Variants in VWDE observed in about 807,000 individuals in gnomAD.
The protein encoded by VWDE is von Willebrand factor D and EGF domains, also known as von Willebrand factor D and EGF domain-containing protein.
Under a neutral mutation model 178.4 loss-of-function variants are expected in VWDE, and 207 were observed. The ratio of observed to expected loss-of-function variants is 1.16; its 90% CI spans 1.04 to 1.30. The LOEUF is 1.30. Among genes scored for constraint, VWDE ranks in the 50% most tolerant of loss-of-function variants. The probability of loss-of-function intolerance (pLI) is 0.00; values close to 1 mark genes in which losing one functional copy is unlikely to be tolerated. For synonymous variants in VWDE, 738 were observed against 651.4 expected, an observed-to-expected ratio of 1.13 and a Z score of -2.02; for missense variants, 2,287 against 1,901.3, an observed-to-expected ratio of 1.20 and a Z score of -3.77.
intron 22 of VWDE, among the ~76,000 whole-genome samples, chr7:12,342,631 A>C (rs75870985): frequency 0.026 from 3,997 of 150,974 alleles, 180 homozygotes; most frequent in African/African-American, 0.092. Flanking sequence ...TCCTGGGATA[A>C]ATCTATTTTA....
At chr7:12,340,833 A>G (rs781299024) in intron 23 of VWDE, among the ~76,000 whole-genome samples, 1 of 152,232 alleles carries the variant, frequency 6.6e-6, no homozygotes, top group Non-Finnish European at 1.5e-5. Context: ...AATCTGTTCA[A>G]ATACATGTAG....
intron 4 of VWDE, among the ~76,000 whole-genome samples, chr7:12,381,783 T>G (rs781204720): frequency 9.0e-4 from 136 of 151,930 alleles, no homozygotes; most frequent in Non-Finnish European, 1.4e-3. Context: ...TATCCTTAAA[T>G]AAACTAGGAA....
intron 3 of VWDE, chr7:12,388,891 A>G: frequency 1.5e-6 from 1 of 676,022 alleles, no homozygotes; most frequent in South Asian, 1.5e-5. Context: ...TGTCCAGTGG[A>G]AAAATGTGAG....
chr7:12,399,817 A>G (rs1302126378), intron 1 of VWDE, among the ~76,000 whole-genome samples: 1 of 152,124 alleles, frequency 6.6e-6, no homozygotes, highest in East Asian at 1.9e-4. Flanking sequence ...TCCTATTTCT[A>G]AAAATAAAAT....
Position 12,375,127 on chromosome 7 carries a change from C to G in VWDE, c.1125G>C (p.Val375=). ...AAAAATCTGTGACAGCAGTGTAGTA[C>G]ACAAAAGTGTGGCTACAGGTTCCAT... The part of the protein sequence containing the change: ...CANGTCSHTF[V]YYTAVTDFSR... The change falls in exon 8 of 29, where the codon GTG becomes GTC. Residue 375 remains valine (V), a synonymous_variant. Transcript: ENST00000275358. The G allele has an allele frequency of 6.4e-7, 1 of 1,551,224 alleles. No individual in the cohort carries two copies. The highest frequency in any genetic ancestry group is 8.7e-7 in the Non-Finnish European group (1 of 1,146,662).
In VWDE at chr7:12,380,200, G is replaced by A. The variant is rs987799549; in HGVS notation, c.789+286C>T. On this transcript the variant is annotated intron_variant, in intron 5 of 28. Coordinates refer to ENST00000275358, the MANE Select transcript of VWDE (RefSeq NM_001135924.3). Reference sequence around the variant, plus strand: ...GTATATAATTTTAAAACCTGAGAGGGACATATATGTGTAAGAACTTAAAGT... The same window carrying A: ...GTATATAATTTTAAAACCTGAGAGGAACATATATGTGTAAGAACTTAAAGT... Among the ~76,000 whole-genome samples the A allele has an allele frequency of 6.7e-4, 101 of 151,336 alleles. 2 individuals carry two copies. The highest frequency in any genetic ancestry group is 2.3e-3 in the African/African-American group (95 of 41,380).
rs140551131 is a variant in VWDE at position 12,380,350 on chromosome 7, G to GAA, written c.789+134_789+135dup. On this transcript the variant is annotated intron_variant, in intron 5 of 28. Transcript: ENST00000275358. ...TCACGAGAATTAGCACAATTGCAAG[G>GAA]AAAAAAAAACAAAAAGAAAAATATT... The GAA allele has an allele frequency of 1.1e-3, 1,275 of 1,124,856 alleles. 1 individual carries two copies. The highest frequency in any genetic ancestry group is 5.1e-3 in the Middle Eastern group (17 of 3,334). 69.7% of individuals were successfully genotyped at this position (1,124,856 alleles called of 1,614,324 possible).
intron 1 of VWDE, among the ~76,000 whole-genome samples, chr7:12,396,043 A>G (rs1784608488): frequency 2.0e-5 from 3 of 152,212 alleles, no homozygotes; most frequent in Admixed American, 2.0e-4. Context: ...TCTTCCTGAT[A>G]TTATTTAAGA....
rs1410498051 is a variant in VWDE at position 12,344,071 on chromosome 7, A to G, written c.4078+124T>C. The stretch of plus-strand genomic sequence containing the variant: ...AGTATTTTAAAATGTAGAGTCCTAT[A>G]CCAGCTTTGATAAGAATATTTTAAT... On this transcript the variant is annotated intron_variant, in intron 21 of 28. Transcript: ENST00000275358. 2.2e-5 allele frequency: 14 copies of G among 637,424 alleles called. No homozygotes were observed. The Admixed American group carries it at 4.3e-4, about 19-fold the overall frequency. 39.5% of individuals were successfully genotyped at this position (637,424 alleles called of 1,614,324 possible). A position where few individuals can be genotyped will look rare whatever the true frequency, so the allele number is the denominator to read the frequency against.
intron 1 of VWDE, among the ~76,000 whole-genome samples, chr7:12,397,194 A>G (rs1371769868): frequency 2.0e-5 from 3 of 152,200 alleles, no homozygotes; most frequent in Admixed American, 2.0e-4. Context: ...CAGTAACTAA[A>G]CATCATAGTA....
At chr7:12,367,595 A>G (rs1782933073) in intron 12 of VWDE, 102 bp from the exon 13 acceptor site, 2 of 985,128 alleles carry the variant, frequency 2.0e-6, no homozygotes, top group East Asian at 2.8e-5. Context: ...GGAAAATAAT[A>G]TTTTAAAGTA....
intron 28 of VWDE, 142 bp from the exon 29 acceptor site, chr7:12,331,339 T>A: frequency 5.2e-6 from 3 of 575,270 alleles, no homozygotes; most frequent in Non-Finnish European, 8.7e-6. Flanking sequence ...AATACTGTTT[T>A]CATAAAATTG....
chr7:12,382,219 CATA>C (rs1241856755), intron 4 of VWDE, among the ~76,000 whole-genome samples: 1 of 151,244 alleles, frequency 6.6e-6, no homozygotes, highest in Non-Finnish European at 1.5e-5. Context: ...TTCTAAAGAG[CATA>C]ATAAGTAGGT....
chr7:12,354,883 T>C (rs1364798018), intron 18 of VWDE, among the ~76,000 whole-genome samples: 1 of 152,218 alleles, frequency 6.6e-6, no homozygotes, highest in African/African-American at 2.4e-5. Flanking sequence ...TTAGTCTAGT[T>C]ATAAAAATTC....
chr7:12,361,495 TC>T lies in VWDE; in HGVS notation c.2924del (p.Gly975GlufsTer43). On this transcript the variant is annotated frameshift_variant, in exon 14 of 29. Coordinates refer to ENST00000275358, the MANE Select transcript of VWDE (RefSeq NM_001135924.3). LOFTEE classifies it high-confidence loss of function. ...LQYNSSEWMP[G>X]EPIYTQTVFH... The stretch of plus-strand genomic sequence containing the variant: ...AAACAGTCTGTGTATAGATGGGTTC[TC>T]CAGGCATCCATTCACTGCTATTATA... The T allele has an allele frequency of 6.5e-7, 1 of 1,549,516 alleles. No individual in the cohort carries two copies. Among genetic ancestry groups the T allele is most frequent in the Non-Finnish European group, 8.7e-7 (1 of 1,146,072 alleles).
intron 24 of VWDE, among the ~76,000 whole-genome samples, chr7:12,339,006 G>A (rs1781186344): frequency 6.6e-6 from 1 of 152,030 alleles, no homozygotes; most frequent in African/African-American, 2.4e-5. Context: ...CTCACAACAA[G>A]ATGAGATCTA....
chr7:12,388,922 A>G (rs1230522400), intron 3 of VWDE: 3 of 702,980 alleles, frequency 4.3e-6, no homozygotes, highest in Non-Finnish European at 8.0e-6. Context: ...TGATGCTTTC[A>G]CGTGTGGGGG....
intron 1 of VWDE, among the ~76,000 whole-genome samples, chr7:12,402,830 A>G (rs1172706898): frequency 3.3e-5 from 5 of 152,178 alleles, no homozygotes; most frequent in Non-Finnish European, 2.9e-5. Flanking sequence ...TCAAAAAATG[A>G]TAAGACAAAA....
At chr7:12,353,376 C>T (rs536080470) in intron 18 of VWDE, among the ~76,000 whole-genome samples, 1 of 151,370 alleles carries the variant, frequency 6.6e-6, no homozygotes, top group Admixed American at 6.6e-5. Context: ...TTCCTTTCTC[C>T]AAATATAGCC....
Sources: gnomAD v4.1 joint callset for allele counts (sites outside exome capture counted in the v4.1 genomes callset) on GRCh38, gnomAD v4.1.1 for gene constraint, MANE v1.5 for transcripts, NCBI Gene and HGNC (gene_info 2026-07-23, HGNC 2026-07-21) for gene names.